YEATS2: variants seen among roughly 807,000 people sequenced by gnomAD.
The protein encoded by YEATS2 is YEATS domain containing 2.
In YEATS2, 77 loss-of-function variants were observed where a neutral mutation model predicts 163.2. That is an observed-to-expected ratio of 0.47 (90% CI 0.39 to 0.57). The LOEUF (loss-of-function observed/expected upper bound fraction) is 0.57, where lower values mean the gene tolerates loss of function less well. Among genes scored for constraint, YEATS2 ranks in the 20% least tolerant of loss-of-function variants. The pLI is 0.00. For missense variants in YEATS2, 1,549 were observed against 1,729.8 expected (o/e 0.90, Z 1.85); for synonymous variants, 631 against 645.1 (o/e 0.98, Z 0.33).
At chr3:183,777,302 A>G (rs541743975) in intron 18 of YEATS2, among the ~76,000 whole-genome samples, 1 of 152,372 alleles carries the variant, frequency 6.6e-6, no homozygotes, top group South Asian at 2.1e-4. Flanking sequence ...GTTGCAAAAC[A>G]TGAGTTTTCA....
chr3:183,790,413 A>G (rs1043450196), intron 20 of YEATS2, among the ~76,000 whole-genome samples: 3 of 44,726 alleles, frequency 6.7e-5, no homozygotes, highest in Non-Finnish European at 1.5e-4. Flanking sequence ...TGTTTGTTCA[A>G]TGAAGTGAAT....
At chr3:183,721,137 C>A (rs1214433347) in intron 4 of YEATS2, among the ~76,000 whole-genome samples, 3 of 152,152 alleles carry the variant, frequency 2.0e-5, no homozygotes, top group African/African-American at 4.8e-5. Context: ...TTTAGGTATG[C>A]TTTTGTCTCG....
At chr3:183,788,632 A>G (rs1479626112) in intron 20 of YEATS2, among the ~76,000 whole-genome samples, 1 of 152,198 alleles carries the variant, frequency 6.6e-6, no homozygotes, top group Non-Finnish European at 1.5e-5. Context: ...GTCTCCTCAT[A>G]TACTCATTTC....
intron 22 of YEATS2, 126 bp downstream of exon 22, chr3:183,798,177 TGTACAGCCA>T: frequency 7.2e-7 from 1 of 1,386,568 alleles, no homozygotes; most frequent in East Asian, 2.5e-5. Flanking sequence ...CCAGCGCCTG[TGTACAGCCA>T]CCCTTCAGCT....
intron 7 of YEATS2, among the ~76,000 whole-genome samples, chr3:183,730,184 C>T (rs1417733190): frequency 1.3e-5 from 2 of 148,210 alleles, no homozygotes; most frequent in African/African-American, 5.0e-5. Context: ...CATGCTTCAG[C>T]CTCCCAAGCA....
intron 15 of YEATS2, among the ~76,000 whole-genome samples, chr3:183,769,564 A>G (rs1722243588): frequency 6.6e-6 from 1 of 152,242 alleles, no homozygotes; most frequent in African/African-American, 2.4e-5. Context: ...AAGAGAGGTT[A>G]AATAACTTAC....
At position 183,772,522 on chromosome 3, in the gene YEATS2, T is replaced by A; in HGVS notation, c.2165T>A (p.Val722Asp). 6.2e-7 allele frequency: 1 copy of A among 1,614,080 alleles called. No individual in the cohort carries two copies. Among genetic ancestry groups the A allele is most frequent in the Non-Finnish European group, 8.5e-7 (1 of 1,180,032 alleles). ...QPVQTLTKAQVTAAGPQKSGS... is the reference protein window; with the variant it reads ...QPVQTLTKAQDTAAGPQKSGS... ...GTGCAGACCTTAACCAAGGCCCAGG[T>A]TACTGCCGCTGGTCCTCAGAAGAGT... The change falls in exon 16 of 31, where the codon GTT becomes GAT. Residue 722 changes from valine (V) to aspartate (D), a missense_variant. Transcript: ENST00000305135.
intron 11 of YEATS2, among the ~76,000 whole-genome samples, chr3:183,755,412 C>T (rs1305523809): frequency 2.0e-5 from 3 of 152,092 alleles, no homozygotes; most frequent in African/African-American, 7.2e-5. Flanking sequence ...CCACCGTCCC[C>T]TGTCATTGGT....
chr3:183,717,487 A>G (rs1261272047), intron 2 of YEATS2, among the ~76,000 whole-genome samples, 164 bp from the exon 3 acceptor site: 4 of 152,190 alleles, frequency 2.6e-5, no homozygotes, highest in African/African-American at 9.6e-5. Flanking sequence ...ACTTTACACC[A>G]ATATTAGTGG....
chr3:183,758,354 C>T (rs1720978163), intron 12 of YEATS2, among the ~76,000 whole-genome samples: 1 of 131,166 alleles, frequency 7.6e-6, no homozygotes, highest in South Asian at 2.7e-4. Flanking sequence ...GAGACTCCAT[C>T]TCAGGAAAAA....
rs1217818884 is a variant in YEATS2 at position 183,736,735 on chromosome 3, T to A, written c.830T>A (p.Leu277Gln). The change falls in exon 8 of 31, where the codon CTG becomes CAG. Residue 277 changes from leucine to glutamine, a missense_variant. Coordinates refer to ENST00000305135, the MANE Select transcript of YEATS2 (RefSeq NM_018023.5). Reference protein sequence around the residue: ...LVEVREPPFHLTRRGWGEFPV... With the variant: ...LVEVREPPFHQTRRGWGEFPV... ...TTCCATAGAGAGCCTCCTTTTCACC[T>A]GACCAGAAGAGGCTGGGGTGAGTTT... 6 of 1,613,564 alleles carry A rather than the reference T, an allele frequency of 3.7e-6. No homozygotes were observed.
intron 21 of YEATS2, 134 bp from the exon 22 acceptor site, chr3:183,797,789 C>T (rs1178258074): frequency 9.2e-7 from 1 of 1,082,744 alleles, no homozygotes; most frequent in Non-Finnish European, 1.3e-6. Context: ...TCTCCTGCTT[C>T]TTGCTCTTTG....
At chr3:183,789,041 A>G (rs1331551795) in intron 20 of YEATS2, among the ~76,000 whole-genome samples, 3 of 152,088 alleles carry the variant, frequency 2.0e-5, no homozygotes, top group East Asian at 1.9e-4. Context: ...TGTCAGATGT[A>G]TATGTAGTTT....
intron 1 of YEATS2, among the ~76,000 whole-genome samples, chr3:183,712,065 A>G (rs1715282319): frequency 1.3e-5 from 2 of 151,090 alleles, no homozygotes; most frequent in Admixed American, 1.3e-4. Context: ...TGATCCGCCT[A>G]CCTTGCCCTC....
intron 1 of YEATS2, among the ~76,000 whole-genome samples, chr3:183,700,023 G>T (rs1713892022): frequency 6.6e-6 from 1 of 152,076 alleles, no homozygotes; most frequent in African/African-American, 2.4e-5. Flanking sequence ...ATGGTGTCTT[G>T]TGTTTTTTTC....
Position 183,789,980 on chromosome 3 carries a change from C to T in YEATS2, c.2914-817C>T, listed in dbSNP as rs532372172. Among the ~76,000 whole-genome samples the T allele has an allele frequency of 4.9e-4, 75 of 152,264 alleles. 2 individuals carry two copies. The Middle Eastern group carries it at 0.017, about 35-fold the overall frequency. ...AAGCCCACAGACTTGAATGATGTGGCTTGACTTCTCAAGCTTCATCTCCTG... is the reference window on the plus strand; with the variant it reads ...AAGCCCACAGACTTGAATGATGTGGTTTGACTTCTCAAGCTTCATCTCCTG... On this transcript the variant is annotated intron_variant, in intron 20 of 30. Coordinates refer to ENST00000305135, the MANE Select transcript of YEATS2 (RefSeq NM_018023.5).
At chr3:183,805,771 A>G (rs972692846) in intron 27 of YEATS2, among the ~76,000 whole-genome samples, 5 of 151,912 alleles carry the variant, frequency 3.3e-5, no homozygotes, top group East Asian at 1.9e-4. Context: ...CTTGGGTGAC[A>G]GCGCAAAACC....
At chr3:183,735,774 C>A (rs75728389) in intron 7 of YEATS2, among the ~76,000 whole-genome samples, 208 of 151,984 alleles carry the variant, frequency 1.4e-3, no homozygotes, top group African/African-American at 4.9e-3. Context: ...GCTGCCTCCG[C>A]CCCCCGGGTT....
chr3:183,781,291 T>A (rs1222595079), intron 19 of YEATS2, among the ~76,000 whole-genome samples: 1 of 152,084 alleles, frequency 6.6e-6, no homozygotes, highest in Admixed American at 6.6e-5. Flanking sequence ...ACACTGGCAT[T>A]AAGTCCTGGA....
Sources: allele counts gnomAD v4.1 joint callset (sites outside exome capture counted in the v4.1 genomes callset), GRCh38; gene constraint gnomAD v4.1.1; transcripts MANE v1.5; gene names NCBI Gene and HGNC (gene_info 2026-07-23, HGNC 2026-07-21).